Variants in GABRB1 observed in about 807,000 individuals in gnomAD.
GABRB1 encodes the protein gamma-aminobutyric acid type A receptor subunit beta1.
In GABRB1, 17 loss-of-function variants were observed where a neutral mutation model predicts 51.6. That is an observed-to-expected ratio of 0.33 (90% confidence interval 0.23 to 0.49). GABRB1 has a LOEUF of 0.49. Ranked by LOEUF, GABRB1 falls within the 20% of genes least tolerant of loss-of-function variation. The pLI, the probability that GABRB1 is intolerant of heterozygous loss-of-function variation, is 0.99. For missense variants in GABRB1, 410 were observed against 600.6 expected (o/e 0.68, Z 3.32); for synonymous variants, 247 against 218.9 (o/e 1.13, Z -1.14).
intron 3 of GABRB1, among the ~76,000 whole-genome samples, chr4:47,159,568 A>T (rs1000951880): frequency 1.3e-5 from 2 of 151,894 alleles, no homozygotes; most frequent in Non-Finnish European, 2.9e-5. Context: ...TAGAAAGGAT[A>T]TTGTGTGACT....
chr4:47,380,573 A>T (rs998834124), intron 5 of GABRB1, among the ~76,000 whole-genome samples: 1 of 152,268 alleles, frequency 6.6e-6, no homozygotes. Flanking sequence ...TTTTACTAAC[A>T]TGAACTTCTG....
At chr4:47,088,898 G>T (rs911290997) in intron 3 of GABRB1, among the ~76,000 whole-genome samples, 1 of 152,120 alleles carries the variant, frequency 6.6e-6, no homozygotes, top group Non-Finnish European at 1.5e-5. Flanking sequence ...GAAAGAAGAG[G>T]CCATATGATT....
At chr4:47,400,921 CTTTTTTTTTTTTTT>C (rs71195629) in intron 5 of GABRB1, among the ~76,000 whole-genome samples, 3 of 98,542 alleles carry the variant, frequency 3.0e-5, no homozygotes, top group East Asian at 2.7e-4. Context: ...TTGTTCTTCT[CTTTTTTTTTTTTTT>C]TTTTTTTTTT....
Position 47,031,617 on chromosome 4 carries a change from C to A in GABRB1, c.-35C>A. 1 of 1,556,402 alleles carries A rather than the reference C, an allele frequency of 6.4e-7. No individual in the cohort carries two copies. Among genetic ancestry groups the A allele is most frequent in the Non-Finnish European group, 8.9e-7 (1 of 1,127,702 alleles). Reference sequence around the variant, plus strand: ...GACTAAGTTGCATTCCTTGAATCTTCGCAGAAAAGACAATTCTTTTAATCA... The same window carrying A: ...GACTAAGTTGCATTCCTTGAATCTTAGCAGAAAAGACAATTCTTTTAATCA... On this transcript the variant is annotated 5_prime_UTR_variant, in exon 1 of 9. Coordinates refer to ENST00000295454, the MANE Select transcript of GABRB1 (RefSeq NM_000812.4).
intron 3 of GABRB1, among the ~76,000 whole-genome samples, chr4:47,041,857 T>C (rs567919138): frequency 3.3e-4 from 50 of 152,214 alleles, no homozygotes; most frequent in Admixed American, 5.2e-4. Flanking sequence ...TCCTGCCACC[T>C]GCAAACCCTC....
At chr4:47,217,004 T>C (rs1038058553) in intron 4 of GABRB1, among the ~76,000 whole-genome samples, 20 of 151,886 alleles carry the variant, frequency 1.3e-4, no homozygotes, top group African/African-American at 4.8e-4. Flanking sequence ...CATACAACAA[T>C]ACACTATACT....
At chr4:47,019,679 C>CCTT (rs1724863773) in intron 1 of GABRB1, among the ~76,000 whole-genome samples, 1 of 126,822 alleles carries the variant, frequency 7.9e-6, no homozygotes, top group Non-Finnish European at 1.6e-5. Flanking sequence ...TTCTTTCTTT[C>CCTT]CTTCTTTCCT....
intron 4 of GABRB1, among the ~76,000 whole-genome samples, chr4:47,177,138 A>G (rs1414271292): frequency 6.6e-6 from 1 of 152,160 alleles, no homozygotes; most frequent in Non-Finnish European, 1.5e-5. Flanking sequence ...GAGGCCACTG[A>G]GAACACAACT....
At position 47,406,851 on chromosome 4, in the gene GABRB1, C is replaced by G; in HGVS notation, c.1005C>G (p.Gly335=). Residue 335 remains glycine (G), a synonymous_variant, in exon 8 of 9, where the codon GGC becomes GGG. Coordinates refer to ENST00000295454, the MANE Select transcript of GABRB1 (RefSeq NM_000812.4). ...AFVNYIFFGK[G]PQKKGASKQD... is the part of the protein sequence containing the mutation. Reference sequence around the variant, plus strand: ...TAAATTACATCTTCTTTGGGAAAGGCCCTCAGAAAAAGGGAGCTAGCAAAC... The same window carrying G: ...TAAATTACATCTTCTTTGGGAAAGGGCCTCAGAAAAAGGGAGCTAGCAAAC... The G allele has an allele frequency of 6.2e-7, 1 of 1,614,024 alleles. No individual in the cohort carries two copies. The highest frequency in any genetic ancestry group is 8.5e-7 in the Non-Finnish European group (1 of 1,179,976).
chr4:47,400,803 T>A (rs755212862), intron 5 of GABRB1, among the ~76,000 whole-genome samples: 1 of 152,166 alleles, frequency 6.6e-6, no homozygotes, highest in Non-Finnish European at 1.5e-5. Context: ...AGCTCTCACT[T>A]ATAAATAAGA....
At chr4:47,041,511 A>C (rs967455539) in intron 3 of GABRB1, among the ~76,000 whole-genome samples, 5 of 151,854 alleles carry the variant, frequency 3.3e-5, no homozygotes, top group Non-Finnish European at 7.4e-5. Context: ...TATCAGGAAA[A>C]ATTAGAGGTT....
intron 1 of GABRB1, among the ~76,000 whole-genome samples, chr4:46,997,349 G>A (rs1192612353): frequency 6.6e-6 from 1 of 151,410 alleles, no homozygotes; most frequent in African/African-American, 2.4e-5. Context: ...GCAAATTACT[G>A]TTCAGTGTGC....
intron 5 of GABRB1, among the ~76,000 whole-genome samples, chr4:47,357,524 T>C (rs931547542): frequency 6.6e-6 from 1 of 152,208 alleles, no homozygotes; most frequent in Non-Finnish European, 1.5e-5. Flanking sequence ...CAGCTGAGCA[T>C]GAAGCCAGGT....
intron 4 of GABRB1, among the ~76,000 whole-genome samples, chr4:47,240,226 T>A (rs2109847113): frequency 6.6e-6 from 1 of 152,300 alleles, no homozygotes; most frequent in Non-Finnish European, 1.5e-5. Context: ...GAGCTAGTTT[T>A]TTGAGAGGAA....
chr4:47,257,583 T>C (rs1431379402), intron 4 of GABRB1, among the ~76,000 whole-genome samples: 2 of 151,540 alleles, frequency 1.3e-5, no homozygotes, highest in African/African-American at 2.4e-5. Context: ...TGGTGAGAAG[T>C]TGATTGGTGA....
intron 4 of GABRB1, among the ~76,000 whole-genome samples, chr4:47,173,902 C>T (rs1398640814): frequency 6.6e-6 from 1 of 152,184 alleles, no homozygotes; most frequent in Non-Finnish European, 1.5e-5. Context: ...TCAATTAAAT[C>T]TACCCTTGTT....
intron 3 of GABRB1, among the ~76,000 whole-genome samples, chr4:47,040,031 C>T (rs1227978986): frequency 6.6e-6 from 1 of 152,162 alleles, no homozygotes; most frequent in Non-Finnish European, 1.5e-5. Context: ...CAGAAGTGCA[C>T]TGCAGAGGAA....
At chr4:47,221,633 A>AACCAC (rs960662836) in intron 4 of GABRB1, among the ~76,000 whole-genome samples, 18 of 152,072 alleles carry the variant, frequency 1.2e-4, no homozygotes, top group African/African-American at 4.1e-4. Flanking sequence ...AAGGTGCCAC[A>AACCAC]ACCACTGAAT....
rs544664752 is a variant in GABRB1 at position 47,261,566 on chromosome 4, T to A, written c.462-58561T>A. Among the ~76,000 whole-genome samples, 428 of 152,192 alleles carry A rather than the reference T, an allele frequency of 2.8e-3. 1 individual carries two copies. The highest frequency in any genetic ancestry group is 0.01 in the African/African-American group (420 of 41,548). On this transcript the variant is annotated intron_variant, in intron 4 of 8. Transcript: ENST00000295454. ...GAGGATACAAAGAAATGGAAGAACA[T>A]TCCATGCTCATGGGTAGGAAGAATC... is the stretch of plus-strand genomic sequence containing the variant.
Sources: allele counts gnomAD v4.1 joint callset (sites outside exome capture counted in the v4.1 genomes callset), GRCh38; gene constraint gnomAD v4.1.1; transcripts MANE v1.5; gene names NCBI Gene and HGNC (gene_info 2026-07-23, HGNC 2026-07-21).